SNX33: variants seen among roughly 807,000 people sequenced by gnomAD.
SNX33 encodes the protein sorting nexin 33.
In SNX33, 19 loss-of-function variants were observed where a neutral mutation model predicts 38.8. The observed-to-expected ratio is 0.49, with a 90% CI of 0.34 to 0.72. SNX33 has a LOEUF of 0.72. SNX33 is among the 30% of genes least tolerant of loss of function. The pLI is 0.01. For synonymous variants in SNX33, 246 were observed against 289.7 expected (o/e 0.85, Z 1.53); for missense variants, 641 against 776.4 (o/e 0.83, Z 2.07).
At chr15:75,651,725 G>A (rs1451690195) in intron 1 of SNX33, among the ~76,000 whole-genome samples, 1 of 152,248 alleles carries the variant, frequency 6.6e-6, no homozygotes, top group East Asian at 1.9e-4. Flanking sequence ...TCCTCCCTGG[G>A]GCTGCTTGGT....
At position 75,657,291 on chromosome 15, in the gene SNX33, C is replaced by T. The variant is rs1441312778; in HGVS notation, c.*76C>T. The T allele has an allele frequency of 1.3e-6, 2 of 1,582,194 alleles. No individual in the cohort carries two copies. The highest frequency in any genetic ancestry group is 2.7e-5 in the African/African-American group (2 of 74,506). On this transcript the variant is annotated 3_prime_UTR_variant, in exon 2 of 2. Transcript: ENST00000308527. The surrounding 1 kb of genome is among the most constrained non-coding windows in gnomAD (Gnocchi z 5.5). ...ACCCCACTTTCCCGACCTCCCTATA[C>T]CAGCAGTGACTGGGGGAGGGGTCAG...
intron 1 of SNX33, 33 bp from the exon 2 acceptor site, chr15:75,656,929 C>G: frequency 6.3e-7 from 1 of 1,599,934 alleles, no homozygotes; most frequent in Non-Finnish European, 8.5e-7. Context: ...GATCAGAGCC[C>G]TCACACGCTG....
rs1019327267 is a variant in SNX33, at chr15:75,650,062, C to T, written c.960C>T (p.His320=). The change falls in exon 1 of 2, where the codon CAC becomes CAT. Residue 320 remains histidine (H), a synonymous_variant. Transcript: ENST00000308527. This position sits in a 1 kb window ranked among gnomAD's most constrained non-coding sequence, Gnocchi z 6.1. ...TCTGGATGGACCACATGACCAGCCA[C>T]CCTGTGCTCTCCCAGTACGAAGGCT... ...LILWMDHMTS[H]PVLSQYEGFQ... The T allele has an allele frequency of 6.2e-7, 1 of 1,613,782 alleles. No homozygotes were observed. The highest frequency in any genetic ancestry group is 1.3e-5 in the African/African-American group (1 of 75,038).
At chr15:75,653,550 C>T (rs1215783601) in intron 1 of SNX33, among the ~76,000 whole-genome samples, 1 of 152,238 alleles carries the variant, frequency 6.6e-6, no homozygotes, top group Non-Finnish European at 1.5e-5. Context: ...GTGTGTCTGG[C>T]TCCGCAGCCC....
In SNX33 at chr15:75,657,858, CAA is replaced by C. The variant is rs1350299172; in HGVS notation, c.*645_*646del. ...TTTCAGGGGAGAGGAACAGCATGGG[CAA>C]AGTTATGGAGGCATGCAAACATCTC... On this transcript the variant is annotated 3_prime_UTR_variant, in exon 2 of 2. Transcript: ENST00000308527. This position sits in a 1 kb window ranked among gnomAD's most constrained non-coding sequence, Gnocchi z 5.5. 6.5e-6 allele frequency: 1 copy of C among 155,000 alleles called. No homozygotes were observed. The allele number at this position is 155,000 out of a possible 1,614,324, so 9.6% of individuals were successfully genotyped here.
chr15:75,656,217 G>A (rs1893650509), intron 1 of SNX33, among the ~76,000 whole-genome samples: 1 of 152,166 alleles, frequency 6.6e-6, no homozygotes, highest in African/African-American at 2.4e-5. Flanking sequence ...CCAGGGCACA[G>A]GTGACATGGG....
chr15:75,650,006 T>G lies in SNX33; in HGVS notation c.904T>G (p.Phe302Val). 1.2e-6 allele frequency: 2 copies of G among 1,601,704 alleles called. No homozygotes were observed. Among genetic ancestry groups the G allele is most frequent in the Non-Finnish European group, 1.7e-6 (2 of 1,174,544 alleles). ...KQATGRFEED[F>V]IEKRKRRLIL... The stretch of plus-strand genomic sequence containing the variant: ...GGCCACTGGCCGCTTCGAGGAGGAC[T>G]TCATCGAAAAGCGGAAGCGGAGACT... Residue 302 changes from phenylalanine to valine, a missense_variant, in exon 1 of 2, where the codon TTC becomes GTC. Phe to Val is a conservative substitution (Grantham distance 50). Around this residue, in one of 2 missense-constraint regions of SNX33, gnomAD observed 398 missense variants for 542.5 expected, o/e 0.73. Transcript: ENST00000308527. The surrounding 1 kb of genome is among the most constrained non-coding windows in gnomAD (Gnocchi z 6.1).
In SNX33 at chr15:75,649,431, A is replaced by C; in HGVS notation, c.329A>C (p.Glu110Ala). 1 of 1,538,006 alleles carries C rather than the reference A, an allele frequency of 6.5e-7. No individual in the cohort carries two copies. The highest frequency in any genetic ancestry group is 8.8e-7 in the Non-Finnish European group (1 of 1,139,874). The change falls in exon 1 of 2, where the codon GAG (glutamate) becomes GCG (alanine). Residue 110 changes from glutamate (E) to alanine (A), a missense_variant. Glu to Ala is a moderately radical substitution (Grantham distance 107). Around this residue, in one of 2 missense-constraint regions of SNX33, gnomAD observed 243 missense variants for 233.9 expected, o/e 1.04. Transcript: ENST00000308527. The surrounding 1 kb of genome is among the most constrained non-coding windows in gnomAD (Gnocchi z 6.6). The stretch of plus-strand genomic sequence containing the variant: ...TTCCTCTCAAACCAGGGTAGCTTTG[A>C]GGAGGATGATGATGATGACTGGGAT... ...SGFLSNQGSF[E>A]EDDDDDWDDW... is the part of the protein sequence containing the mutation.
In SNX33 at chr15:75,648,202, G is replaced by A; in HGVS notation, c.-901G>A. 1 of 985,544 alleles carries A rather than the reference G, an allele frequency of 1.0e-6. No homozygotes were observed. Among genetic ancestry groups the A allele is most frequent in the Non-Finnish European group, 1.2e-6 (1 of 829,986 alleles). 61.0% of individuals were successfully genotyped at this position (985,544 alleles called of 1,614,324 possible). A position where few individuals can be genotyped will look rare whatever the true frequency, so the allele number is the denominator to read the frequency against. ...CTTTGGACGGGGTTCCTGGGATTCA[G>A]AGCAGGGTCAGCGTCAGGCTCAGAA... is the stretch of plus-strand genomic sequence containing the variant. On this transcript the variant is annotated 5_prime_UTR_variant, in exon 1 of 2. Transcript: ENST00000308527. This position sits in a 1 kb window ranked among gnomAD's most constrained non-coding sequence, Gnocchi z 4.4.
At position 75,648,052 on chromosome 15, in the gene SNX33, G is replaced by A; in HGVS notation, c.-1051G>A. 1 of 985,448 alleles carries A rather than the reference G, an allele frequency of 1.0e-6. No individual in the cohort carries two copies. Among genetic ancestry groups the A allele is most frequent in the Non-Finnish European group, 1.2e-6 (1 of 829,938 alleles). The allele number at this position is 985,448 out of a possible 1,614,324, so 61.0% of individuals were successfully genotyped here. A position where few individuals can be genotyped will look rare whatever the true frequency, so the allele number is the denominator to read the frequency against. On this transcript the variant is annotated 5_prime_UTR_variant, in exon 1 of 2. Transcript: ENST00000308527. This position sits in a 1 kb window ranked among gnomAD's most constrained non-coding sequence, Gnocchi z 4.4. ...AGGAGGACGGACGGACAGACGGCTG[G>A]CCGCGCCATCTGCTCGCCGGAGCTC...
In SNX33 at chr15:75,657,399, A is replaced by G; in HGVS notation, c.*184A>G. ...CATGGGTGCCCCTGGGAAATTCCCC[A>G]CTCCTTAGAAGTGGGGCACAGCAGG... On this transcript the variant is annotated 3_prime_UTR_variant, in exon 2 of 2. Coordinates refer to ENST00000308527, the MANE Select transcript of SNX33 (RefSeq NM_153271.2). This position sits in a 1 kb window ranked among gnomAD's most constrained non-coding sequence, Gnocchi z 5.5. 1 of 993,268 alleles carries G rather than the reference A, an allele frequency of 1.0e-6. No individual in the cohort carries two copies. The highest frequency in any genetic ancestry group is 1.6e-5 in the South Asian group (1 of 62,154). The allele number at this position is 993,268 out of a possible 1,614,324, so 61.5% of individuals were successfully genotyped here. A position where few individuals can be genotyped will look rare whatever the true frequency, so the allele number is the denominator to read the frequency against.
rs1277663104 is a variant in SNX33 at position 75,649,972 on chromosome 15, T to C, written c.870T>C (p.Pro290=). 2.5e-6 allele frequency: 4 copies of C among 1,604,098 alleles called. No individual in the cohort carries two copies. Residue 290 remains proline (P), a synonymous_variant, in exon 1 of 2, where the codon CCT becomes CCC. Transcript: ENST00000308527. This position sits in a 1 kb window ranked among gnomAD's most constrained non-coding sequence, Gnocchi z 6.6. Reference sequence around the variant, plus strand: ...CTGTCATCTCGGTGCCCCACCTGCCTGAGAAGCAGGCCACTGGCCGCTTCG... The same window carrying C: ...CTGTCATCTCGGTGCCCCACCTGCCCGAGAAGCAGGCCACTGGCCGCTTCG... ...KFTVISVPHL[P]EKQATGRFEE...
intron 1 of SNX33, among the ~76,000 whole-genome samples, chr15:75,651,895 T>G (rs1001500411): frequency 2.0e-5 from 3 of 152,202 alleles, no homozygotes; most frequent in African/African-American, 7.2e-5. Flanking sequence ...AGGGAGGGCC[T>G]GGGGTAAGCT....
chr15:75,650,690 C>T lies in SNX33; in HGVS notation c.1471+117C>T. The T allele has an allele frequency of 7.4e-7, 1 of 1,342,920 alleles. No individual in the cohort carries two copies. Among genetic ancestry groups the T allele is most frequent in the Non-Finnish European group, 9.9e-7 (1 of 1,006,832 alleles). 83.2% of individuals were successfully genotyped at this position (1,342,920 alleles called of 1,614,324 possible). ...CTTGTCTTTATTTCTCTGTCTCAAT[C>T]ATTCATTTAACAAATGTGTTGGGCT... On this transcript the variant is annotated intron_variant, in intron 1 of 1. Transcript: ENST00000308527. The surrounding 1 kb of genome is among the most constrained non-coding windows in gnomAD (Gnocchi z 6.1).
At position 75,649,363 on chromosome 15, in the gene SNX33, C is replaced by T. The variant is rs752159207; in HGVS notation, c.261C>T (p.Ser87=). ...GAGCCCAGGTGAGCTTGTACAACAGCCCCAGTGTGGCCAGCCCAGCTAGGA... is the reference window on the plus strand; with the variant it reads ...GAGCCCAGGTGAGCTTGTACAACAGTCCCAGTGTGGCCAGCCCAGCTAGGA... ...SPGAQVSLYN[S]PSVASPARSG... Residue 87 remains serine (S), a synonymous_variant, in exon 1 of 2, where the codon AGC becomes AGT. Transcript: ENST00000308527. The surrounding 1 kb of genome is among the most constrained non-coding windows in gnomAD (Gnocchi z 6.6). 6.4e-7 allele frequency: 1 copy of T among 1,562,144 alleles called. No individual in the cohort carries two copies. The highest frequency in any genetic ancestry group is 1.8e-5 in the Admixed American group (1 of 54,820).
intron 1 of SNX33, among the ~76,000 whole-genome samples, chr15:75,651,921 T>C (rs1893585924): frequency 6.6e-6 from 1 of 152,008 alleles, no homozygotes; most frequent in Admixed American, 6.5e-5. Flanking sequence ...TGCTTTCCTT[T>C]ACCAAGAGGT....
In SNX33 at chr15:75,657,326, A is replaced by T; in HGVS notation, c.*111A>T. 1 of 1,533,302 alleles carries T rather than the reference A, an allele frequency of 6.5e-7. No individual in the cohort carries two copies. The highest frequency in any genetic ancestry group is 2.3e-5 in the East Asian group (1 of 44,210). 95.0% of individuals were successfully genotyped at this position (1,533,302 alleles called of 1,614,324 possible). A position where few individuals can be genotyped will look rare whatever the true frequency, so the allele number is the denominator to read the frequency against. On this transcript the variant is annotated 3_prime_UTR_variant, in exon 2 of 2. Transcript: ENST00000308527. The surrounding 1 kb of genome is among the most constrained non-coding windows in gnomAD (Gnocchi z 5.5). ...CTGGGGGAGGGGTCAGCGGTGGGGG[A>T]GATAAGCGGCCTGTCCTGCCTCCTG...
rs1893675249 is a variant in SNX33 at position 75,657,859 on chromosome 15, A to C, written c.*644A>C. The C allele has an allele frequency of 6.4e-6, 1 of 155,108 alleles. No homozygotes were observed. The highest frequency in any genetic ancestry group is 2.0e-4 in the South Asian group (1 of 5,010). 9.6% of individuals were successfully genotyped at this position (155,108 alleles called of 1,614,324 possible). A position where few individuals can be genotyped will look rare whatever the true frequency, so the allele number is the denominator to read the frequency against. On this transcript the variant is annotated 3_prime_UTR_variant, in exon 2 of 2. Transcript: ENST00000308527. The surrounding 1 kb of genome is among the most constrained non-coding windows in gnomAD (Gnocchi z 5.5). ...TTCAGGGGAGAGGAACAGCATGGGC[A>C]AAGTTATGGAGGCATGCAAACATCT...
rs1413582699 is a variant in SNX33, at chr15:75,658,972, G to A, written c.*1757G>A. The A allele has an allele frequency of 6.6e-6, 1 of 152,254 alleles. No homozygotes were observed. Among genetic ancestry groups the A allele is most frequent in the East Asian group, 1.9e-4 (1 of 5,184 alleles). 9.4% of individuals were successfully genotyped at this position (152,254 alleles called of 1,614,324 possible). ...GGAAGGGACAGGACGCTGTGCCCTA[G>A]GACAATTAATAGATGGTGGCTCCTC... is the stretch of plus-strand genomic sequence containing the variant. On this transcript the variant is annotated 3_prime_UTR_variant, in exon 2 of 2. Transcript: ENST00000308527. The surrounding 1 kb of genome is among the most constrained non-coding windows in gnomAD (Gnocchi z 4.1).
Sources: gnomAD v4.1 joint callset for allele counts (sites outside exome capture counted in the v4.1 genomes callset) on GRCh38, gnomAD v4.1.1 for gene constraint, gnomAD v4.1.1 regional missense constraint, Gnocchi (gnomAD v3.1) non-coding constraint, MANE v1.5 for transcripts, NCBI Gene and HGNC (gene_info 2026-07-23, HGNC 2026-07-21) for gene names.